MAPT: variants seen among roughly 807,000 people sequenced by gnomAD.
MAPT encodes the protein microtubule-associated protein tau.
MAPT carries 34 observed loss-of-function variants against 67.9 expected under a neutral mutation model. The observed-to-expected ratio is 0.50, with a 90% CI of 0.38 to 0.67. MAPT has a LOEUF of 0.67. MAPT is among the 30% of genes least tolerant of loss of function. The pLI is 0.00. For missense variants in MAPT, 881 were observed against 1,115.2 expected, an observed-to-expected ratio of 0.79 and a Z score of 2.99; for synonymous variants, 456 against 464.5, an observed-to-expected ratio of 0.98 and a Z score of 0.23.
chr17:45,938,634 T>C (rs2067572497), intron 1 of MAPT, among the ~76,000 whole-genome samples: 1 of 150,174 alleles, frequency 6.7e-6, no homozygotes, highest in Non-Finnish European at 1.5e-5. Context: ...AAATTCATTT[T>C]TTTAATTAAG....
In MAPT at chr17:46,010,172, G is replaced by C. The variant is rs970516639; in HGVS notation, c.1999-138G>C. On this transcript the variant is annotated intron_variant, in intron 9 of 12. Transcript: ENST00000262410. The surrounding 1 kb of genome is among the most constrained non-coding windows in gnomAD (Gnocchi z 4.7). ...TCCCCAGACTGCCTCTGCCAAGTCCGAAAGTGGAGGCATCCTTGCGAGCAA... is the reference window on the plus strand; with the variant it reads ...TCCCCAGACTGCCTCTGCCAAGTCCCAAAGTGGAGGCATCCTTGCGAGCAA... 1 of 717,446 alleles carries C rather than the reference G, an allele frequency of 1.4e-6. No individual in the cohort carries two copies. Among genetic ancestry groups the C allele is most frequent in the Non-Finnish European group, 2.6e-6 (1 of 391,276 alleles). The allele number at this position is 717,446 out of a possible 1,614,324, so 44.4% of individuals were successfully genotyped here. A position where few individuals can be genotyped will look rare whatever the true frequency, so the allele number is the denominator to read the frequency against.
intron 2 of MAPT, chr17:45,969,077 G>A (rs1166327764): frequency 6.6e-6 from 1 of 152,230 alleles, no homozygotes; most frequent in Non-Finnish European, 1.5e-5. Context: ...CCAGAGTTGA[G>A]TCTAAGCCAT....
chr17:45,902,117 C>T (rs757134885), intron 1 of MAPT, among the ~76,000 whole-genome samples: 2 of 151,970 alleles, frequency 1.3e-5, no homozygotes, highest in Non-Finnish European at 2.9e-5. Flanking sequence ...CTCTATCGCC[C>T]AGGCTTAAGT....
rs1264221911 is a variant in MAPT, at chr17:45,906,730, T to G, written c.-18+12044T>G. On this transcript the variant is annotated intron_variant, in intron 1 of 12. Transcript: ENST00000262410. The surrounding 1 kb of genome is among the most constrained non-coding windows in gnomAD (Gnocchi z 4.3). ...ATAGCCTTGCGTTTTAGTAAAATGC[T>G]GCCCCCATTACCACCTGGTCTGTGC... 6.6e-6 allele frequency among the ~76,000 whole-genome samples: 1 copy of G among 152,112 alleles called. No homozygotes were observed. Among genetic ancestry groups the G allele is most frequent in the Non-Finnish European group, 1.5e-5 (1 of 68,006 alleles).
chr17:45,983,836 G>A lies in MAPT; in HGVS notation c.1257G>A (p.Glu419=). The A allele has an allele frequency of 2.5e-6, 4 of 1,611,172 alleles. No individual in the cohort carries two copies. The highest frequency in any genetic ancestry group is 3.4e-6 in the Non-Finnish European group (4 of 1,179,400). ...GPEARGPSLG[E]DTKEADLPEP... ...AGGCCCGGGGCCCCTCTTTGGGAGA[G>A]GACACAAAAGAGGCTGACCTTCCAG... The change falls in exon 5 of 13, where the codon GAG becomes GAA. Residue 419 remains glutamate (E), a synonymous_variant. Coordinates refer to ENST00000262410, the MANE Select transcript of MAPT (RefSeq NM_001377265.1).
intron 1 of MAPT, among the ~76,000 whole-genome samples, chr17:45,910,207 C>CT (rs1476895205): frequency 6.6e-6 from 1 of 152,044 alleles, no homozygotes; most frequent in African/African-American, 2.4e-5. Context: ...CTGGGAGGTC[C>CT]CCCCACTCCC....
intron 1 of MAPT, among the ~76,000 whole-genome samples, chr17:45,951,452 T>TCCCTC (rs1208920652): frequency 3.3e-5 from 5 of 152,150 alleles, no homozygotes; most frequent in Non-Finnish European, 7.4e-5. Context: ...CCATGGCTCA[T>TCCCTC]CCCTCCCCTG....
Position 45,948,395 on chromosome 17 carries a change from G to T in MAPT, c.-17-13926G>T, listed in dbSNP as rs147180760. ...ACTGTGGGCTCCAGCCTTCACCTAG[G>T]CCCAGGACTAGGATGCCTGCCCTAA... is the stretch of plus-strand genomic sequence containing the variant. On this transcript the variant is annotated intron_variant, in intron 1 of 12. Coordinates refer to ENST00000262410, the MANE Select transcript of MAPT (RefSeq NM_001377265.1). Among the ~76,000 whole-genome samples the T allele has an allele frequency of 1.7e-3, 257 of 152,224 alleles. 1 individual carries two copies. Among genetic ancestry groups the T allele is most frequent in the African/African-American group, 5.8e-3 (241 of 41,520 alleles).
intron 1 of MAPT, among the ~76,000 whole-genome samples, chr17:45,958,442 C>T (rs2069979684): frequency 6.6e-6 from 1 of 152,230 alleles, no homozygotes; most frequent in South Asian, 2.1e-4. Flanking sequence ...GAGAGTGGGT[C>T]GGCGCGGCGG....
intron 9 of MAPT, among the ~76,000 whole-genome samples, chr17:45,997,132 G>A (rs1252524192): frequency 1.3e-5 from 2 of 152,176 alleles, no homozygotes; most frequent in Non-Finnish European, 1.5e-5. Flanking sequence ...GGAGATTGGG[G>A]GTTCTGTTTT....
At chr17:45,968,326 T>G (rs1362459372) in intron 2 of MAPT, among the ~76,000 whole-genome samples, 1 of 152,210 alleles carries the variant, frequency 6.6e-6, no homozygotes, top group East Asian at 1.9e-4. Flanking sequence ...CCCTCTCAGC[T>G]GAGCTCCTCC....
chr17:46,016,834 T>G (rs2076214346), intron 11 of MAPT, among the ~76,000 whole-genome samples: 2 of 152,222 alleles, frequency 1.3e-5, no homozygotes, highest in African/African-American at 4.8e-5. Context: ...GATGGAAATA[T>G]TCTGTATCTG....
chr17:45,960,048 G>C (rs947998595), intron 1 of MAPT, among the ~76,000 whole-genome samples: 1 of 152,180 alleles, frequency 6.6e-6, no homozygotes, highest in Non-Finnish European at 1.5e-5. Flanking sequence ...AGAATAAAAG[G>C]CTAGAAGGAA....
At chr17:45,992,374 C>G (rs2074127745) in intron 8 of MAPT, among the ~76,000 whole-genome samples, 1 of 152,204 alleles carries the variant, frequency 6.6e-6, no homozygotes, top group Admixed American at 6.5e-5. Flanking sequence ...GGAGACAGAG[C>G]AGCAGCCTGG....
chr17:45,951,430 T>C (rs77017444), intron 1 of MAPT, among the ~76,000 whole-genome samples: 21,819 of 152,220 alleles, frequency 0.14, 2,139 homozygotes, highest in Non-Finnish European at 0.22. Flanking sequence ...TGATTGGATT[T>C]ATGATTCGAT....
chr17:45,953,869 T>C (rs1228049557), intron 1 of MAPT, among the ~76,000 whole-genome samples: 1 of 152,116 alleles, frequency 6.6e-6, no homozygotes, highest in African/African-American at 2.4e-5. Flanking sequence ...CCTTTGATTC[T>C]CCTGCTCCTG....
At chr17:45,950,668 T>C (rs1465398321) in intron 1 of MAPT, among the ~76,000 whole-genome samples, 1 of 152,102 alleles carries the variant, frequency 6.6e-6, no homozygotes, top group East Asian at 1.9e-4. Flanking sequence ...TTTATTTATT[T>C]ATTTATTTAT....
chr17:45,913,965 G>C (rs1029462535), intron 1 of MAPT, among the ~76,000 whole-genome samples: 7 of 152,106 alleles, frequency 4.6e-5, no homozygotes, highest in African/African-American at 7.2e-5. Context: ...ACTGGAACAG[G>C]CAGGGAGTAC....
At chr17:45,909,601 G>A (rs1223025423) in intron 1 of MAPT, among the ~76,000 whole-genome samples, 1 of 152,112 alleles carries the variant, frequency 6.6e-6, no homozygotes, top group Non-Finnish European at 1.5e-5. Flanking sequence ...GCTGGGTGTG[G>A]TGGCTCATGC....
Sources: gnomAD v4.1 joint callset for allele counts (sites outside exome capture counted in the v4.1 genomes callset) on GRCh38, gnomAD v4.1.1 for gene constraint, Gnocchi (gnomAD v3.1) non-coding constraint, MANE v1.5 for transcripts, NCBI Gene and HGNC (gene_info 2026-07-23, HGNC 2026-07-21) for gene names.